The following CDC5L variants were observed in gnomAD, a reference collection of about 807,000 sequenced individuals.
CDC5L encodes cell division cycle 5-like protein.
Under a neutral mutation model 104.1 loss-of-function variants are expected in CDC5L, and 18 were observed. That is an observed-to-expected ratio of 0.17 (90% confidence interval 0.12 to 0.26). CDC5L has a LOEUF of 0.26. Ranked by LOEUF, CDC5L falls within the 10% of genes least tolerant of loss-of-function variation. The pLI is 1.00. For missense variants in CDC5L, 673 were observed against 956.9 expected (o/e 0.70, Z 3.91); for synonymous variants, 331 against 322.7 (o/e 1.03, Z -0.28).
intron 14 of CDC5L, among the ~76,000 whole-genome samples, chr6:44,434,129 T>G (rs1011857591): frequency 2.0e-5 from 3 of 152,222 alleles, no homozygotes; most frequent in African/African-American, 7.2e-5. Flanking sequence ...GGTAAGAACT[T>G]TATGAGCTGG....
intron 7 of CDC5L, among the ~76,000 whole-genome samples, chr6:44,407,419 C>T (rs1049698375): frequency 1.1e-4 from 16 of 151,980 alleles, no homozygotes; most frequent in East Asian, 1.9e-4. Context: ...CTCCGCCTTC[C>T]GCGTTCAAGC....
intron 14 of CDC5L, among the ~76,000 whole-genome samples, chr6:44,432,315 A>C (rs931577770): frequency 1.3e-5 from 2 of 152,228 alleles, no homozygotes; most frequent in Non-Finnish European, 2.9e-5. Context: ...TATTGTATAA[A>C]CTAAATGCTA....
At chr6:44,423,647 A>G (rs974230826) in intron 10 of CDC5L, among the ~76,000 whole-genome samples, 5 of 152,176 alleles carry the variant, frequency 3.3e-5, no homozygotes, top group African/African-American at 1.2e-4. Flanking sequence ...TGTTTTAGAT[A>G]TAGCAACTCA....
intron 10 of CDC5L, among the ~76,000 whole-genome samples, chr6:44,423,337 C>A (rs1792275622): frequency 6.6e-6 from 1 of 152,148 alleles, no homozygotes; most frequent in Non-Finnish European, 1.5e-5. Flanking sequence ...AGATTAAGAA[C>A]CTCATGCATG....
chr6:44,435,334 A>G (rs1374534353), intron 14 of CDC5L, among the ~76,000 whole-genome samples: 1 of 152,002 alleles, frequency 6.6e-6, no homozygotes, highest in Admixed American at 6.5e-5. Context: ...TTAGAATTTT[A>G]AAATACAAAC....
intron 2 of CDC5L, among the ~76,000 whole-genome samples, chr6:44,390,987 AT>A (rs1790573742): frequency 1.6e-5 from 2 of 126,180 alleles, no homozygotes; most frequent in East Asian, 2.0e-4. Context: ...TATATTATAT[AT>A]TAAACATATT....
chr6:44,411,635 A>AGTGTGTGTGTGTGTGTGTGTGTGTGT lies in CDC5L; in HGVS notation c.1092+3004_1092+3005insTGTGTGTGTGTGTGTGTGTGTGTGTG, dbSNP rs372072520. ...GAGAGAGAGAGAGAGAGAGAGAGAG[A>AGTGTGTGTGTGTGTGTGTGTGTGTGT]GAGTGTGTGTGTGTGTGTGACTAAA... On this transcript the variant is annotated intron_variant, in intron 8 of 15. Coordinates refer to ENST00000371477, the MANE Select transcript of CDC5L (RefSeq NM_001253.4). Among the ~76,000 whole-genome samples the AGTGTGTGTGTGTGTGTGTGTGTGTGT allele has an allele frequency of 6.6e-5, 8 of 121,394 alleles. No individual in the cohort carries two copies. In the South Asian group the frequency reaches 1.1e-3, roughly 16 times the overall value. The allele number at this position is 121,394 out of a possible 152,430, so 79.6% of individuals were successfully genotyped here.
Position 44,445,801 on chromosome 6 carries a change from C to G in CDC5L, c.2238C>G (p.His746Gln). The G allele has an allele frequency of 6.2e-7, 1 of 1,614,032 alleles. No individual in the cohort carries two copies. Among genetic ancestry groups the G allele is most frequent in the Non-Finnish European group, 8.5e-7 (1 of 1,179,944 alleles). Residue 746 changes from histidine to glutamine, a missense_variant, in exon 15 of 16, where the codon CAC becomes CAG. This residue lies in a region of CDC5L where 578 missense variants were observed against 737.0 expected (regional missense o/e 0.78). Transcript: ENST00000371477. ...NDLWDQIEQA[H>Q]LELRTFEELK... ...TATGGGACCAAATTGAACAGGCTCACTTGGAGTTACGCACTTTTGAAGAAC... is the reference window on the plus strand; with the variant it reads ...TATGGGACCAAATTGAACAGGCTCAGTTGGAGTTACGCACTTTTGAAGAAC...
chr6:44,419,866 G>A (rs1456915837), intron 9 of CDC5L, among the ~76,000 whole-genome samples: 1 of 152,080 alleles, frequency 6.6e-6, no homozygotes, highest in Non-Finnish European at 1.5e-5. Context: ...TCTGCCTCCC[G>A]GGTTCAAGCG....
At chr6:44,425,614 G>A (rs931425841) in intron 11 of CDC5L, among the ~76,000 whole-genome samples, 5 of 152,126 alleles carry the variant, frequency 3.3e-5, no homozygotes, top group Non-Finnish European at 5.9e-5. Context: ...GGGGAACAGA[G>A]GATGATACTT....
intron 3 of CDC5L, among the ~76,000 whole-genome samples, chr6:44,393,164 G>GTTTTTTTT (rs773786751): frequency 2.8e-5 from 3 of 107,222 alleles, no homozygotes; most frequent in Non-Finnish European, 5.7e-5. Context: ...TTTACTAATA[G>GTTTTTTTT]TTTTTTTTTT....
At chr6:44,395,707 G>T (rs1255741463) in intron 4 of CDC5L, among the ~76,000 whole-genome samples, 1 of 152,240 alleles carries the variant, frequency 6.6e-6, no homozygotes, top group Non-Finnish European at 1.5e-5. Context: ...CTGGGGTGGT[G>T]TGGGAGGCAC....
intron 10 of CDC5L, 74 bp downstream of exon 10, chr6:44,422,883 C>T: frequency 1.0e-6 from 1 of 955,664 alleles, no homozygotes; most frequent in Non-Finnish European, 1.6e-6. Context: ...AAAATTTCTC[C>T]TGTTAGTGCA....
chr6:44,435,638 G>C lies in CDC5L; in HGVS notation c.2091+5728G>C, dbSNP rs563804585. On this transcript the variant is annotated intron_variant, in intron 14 of 15. Transcript: ENST00000371477. ...GACCAGTGTATTGGACTTTCAAATA[G>C]GGCACAACTGCATGGCATCGTCCCC... 7.2e-5 allele frequency: 11 copies of C among 153,486 alleles called. No homozygotes were observed. The Middle Eastern group carries it at 1.6e-3, about 22-fold the overall frequency. 9.5% of individuals were successfully genotyped at this position (153,486 alleles called of 1,614,324 possible).
chr6:44,446,646 A>G lies in CDC5L; in HGVS notation c.2344A>G (p.Lys782Glu). Residue 782 changes from lysine (K) to glutamate (E), a missense_variant, in exon 16 of 16, where the codon AAG becomes GAG. Physicochemically the swap from Lys to Glu is moderately conservative, Grantham distance 56. Coordinates refer to ENST00000371477, the MANE Select transcript of CDC5L (RefSeq NM_001253.4). ...EDVQRQQERE[K>E]ELQHRYADLL... ...CGTTCAGCGACAACAAGAAAGAGAA[A>G]AGGAACTTCAACATAGATATGCTGA... is the stretch of plus-strand genomic sequence containing the variant. 6.3e-7 allele frequency: 1 copy of G among 1,594,546 alleles called. No homozygotes were observed. The highest frequency in any genetic ancestry group is 8.5e-7 in the Non-Finnish European group (1 of 1,172,176).
At chr6:44,443,281 A>G (rs1008614944) in intron 14 of CDC5L, among the ~76,000 whole-genome samples, 1 of 149,356 alleles carries the variant, frequency 6.7e-6, no homozygotes, top group Non-Finnish European at 1.5e-5. Context: ...TGCAGTTTTC[A>G]ATACTCTGCC....
chr6:44,390,663 G>A (rs2153373204), intron 2 of CDC5L, among the ~76,000 whole-genome samples: 1 of 152,258 alleles, frequency 6.6e-6, no homozygotes, highest in Non-Finnish European at 1.5e-5. Context: ...TAATGTATTT[G>A]AGAGTGCTTT....
intron 12 of CDC5L, 68 bp from the exon 13 acceptor site, chr6:44,426,414 G>C (rs1211602929): frequency 2.1e-6 from 2 of 968,364 alleles, no homozygotes; most frequent in Admixed American, 2.3e-5. Context: ...AATTCATGCT[G>C]TAACAGGTAA....
intron 5 of CDC5L, among the ~76,000 whole-genome samples, chr6:44,397,062 A>G (rs541970532): frequency 1.3e-5 from 2 of 152,308 alleles, no homozygotes; most frequent in South Asian, 2.1e-4. Flanking sequence ...GATTGATTAC[A>G]TCATTGGCCA....
Sources: allele counts gnomAD v4.1 joint callset (sites outside exome capture counted in the v4.1 genomes callset), GRCh38; gene constraint gnomAD v4.1.1; regional missense constraint gnomAD v4.1.1; transcripts MANE v1.5; gene names NCBI Gene and HGNC (gene_info 2026-07-23, HGNC 2026-07-21).